The following DPP10 variants were observed in gnomAD, a reference collection of about 807,000 sequenced individuals.
The protein encoded by DPP10 is dipeptidyl peptidase like 10, also known as inactive dipeptidyl peptidase 10.
In DPP10, 33 loss-of-function variants were observed where a neutral mutation model predicts 120.9. The observed-to-expected ratio is 0.27, with a 90% CI of 0.21 to 0.37. The LOEUF (loss-of-function observed/expected upper bound fraction) is 0.37, where lower values mean the gene tolerates loss of function less well. Ranked by LOEUF, DPP10 falls within the 10% of genes least tolerant of loss-of-function variation. DPP10 has a pLI of 1.00. For missense variants in DPP10, 816 were observed against 942.8 expected (o/e 0.87, Z 1.76); for synonymous variants, 337 against 326.1 (o/e 1.03, Z -0.36).
At position 115,130,501 on chromosome 2, in the gene DPP10, TATCCATCCATCC is replaced by T. The variant is rs56314226; in HGVS notation, c.61-178707_61-178696del. Among the ~76,000 whole-genome samples the T allele has an allele frequency of 7.9e-4, 115 of 144,976 alleles. 1 individual carries two copies. Among genetic ancestry groups the T allele is most frequent in the Admixed American group, 3.8e-3 (56 of 14,636 alleles). On this transcript the variant is annotated intron_variant, in intron 1 of 25. Transcript: ENST00000410059. Reference sequence around the variant, plus strand: ...CCATCCATGCATCCATCCATCCATCTATCCATCCATCCATCCATCCATCCATCCATCCATCCA... The same window carrying T: ...CCATCCATGCATCCATCCATCCATCTATCCATCCATCCATCCATCCATCCA...
At chr2:115,456,485 A>C (rs2073554882) in intron 3 of DPP10, among the ~76,000 whole-genome samples, 1 of 152,158 alleles carries the variant, frequency 6.6e-6, no homozygotes, top group Admixed American at 6.5e-5. Flanking sequence ...ATTATAAATC[A>C]TTTTACTATA....
chr2:115,281,860 AT>A (rs2060170503), intron 1 of DPP10, among the ~76,000 whole-genome samples: 1 of 152,152 alleles, frequency 6.6e-6, no homozygotes, highest in Non-Finnish European at 1.5e-5. Context: ...TGTATTTATA[AT>A]AAAATATTTA....
intron 1 of DPP10, among the ~76,000 whole-genome samples, chr2:114,763,322 C>T (rs1020802459): frequency 3.9e-5 from 6 of 152,166 alleles, no homozygotes; most frequent in African/African-American, 7.2e-5. Context: ...ACCACTGACA[C>T]GATTTATAGT....
At chr2:114,810,598 C>T (rs1314218631) in intron 1 of DPP10, among the ~76,000 whole-genome samples, 7 of 152,204 alleles carry the variant, frequency 4.6e-5, no homozygotes, top group Admixed American at 4.6e-4. Context: ...TCAAAAGGCA[C>T]ATTTTCCAGC....
At chr2:114,778,981 C>A (rs1370077500) in intron 1 of DPP10, among the ~76,000 whole-genome samples, 1 of 151,914 alleles carries the variant, frequency 6.6e-6, no homozygotes, top group Non-Finnish European at 1.5e-5. Context: ...ATTAGTAGCA[C>A]CCTAGTTAAT....
intron 1 of DPP10, among the ~76,000 whole-genome samples, chr2:114,914,502 A>G (rs1370591086): frequency 6.6e-6 from 1 of 152,200 alleles, no homozygotes; most frequent in African/African-American, 2.4e-5. Flanking sequence ...TTGAATAAGC[A>G]CATGCTTACG....
At chr2:114,461,759 G>A (rs1678932471) in intron 1 of DPP10, 13 of 985,364 alleles carry the variant, frequency 1.3e-5, no homozygotes, top group Non-Finnish European at 1.6e-5. Flanking sequence ...GGGGCTCAGT[G>A]CTGCCATCCG....
intron 7 of DPP10, among the ~76,000 whole-genome samples, chr2:115,697,276 G>A (rs115594709): frequency 0.011 from 1,666 of 151,886 alleles, 37 homozygotes; most frequent in African/African-American, 0.039. Context: ...TCAATTAAAA[G>A]AAACTAAGAA....
chr2:115,104,790 G>A (rs1473112645), intron 1 of DPP10, among the ~76,000 whole-genome samples: 1 of 152,124 alleles, frequency 6.6e-6, no homozygotes, highest in Non-Finnish European at 1.5e-5. Context: ...GGTGGATCAC[G>A]AGGTCAAGAG....
At chr2:115,379,271 T>C (rs2066085667) in intron 3 of DPP10, among the ~76,000 whole-genome samples, 1 of 152,220 alleles carries the variant, frequency 6.6e-6, no homozygotes, top group South Asian at 2.1e-4. Flanking sequence ...TCTTCCTGGT[T>C]TAGTCTTGGG....
Position 115,512,929 on chromosome 2 carries a change from T to C in DPP10, c.367-12969T>C, listed in dbSNP as rs372131899. On this transcript the variant is annotated intron_variant, in intron 4 of 25. Transcript: ENST00000410059. ...GAATGTTGTTTGTCTTCTATTTTAT[T>C]ACTGATGTTCTGCCTACTGGTTCTA... Among the ~76,000 whole-genome samples, 14 of 152,246 alleles carry C rather than the reference T, an allele frequency of 9.2e-5. No individual in the cohort carries two copies. The South Asian group carries it at 2.9e-3, about 32-fold the overall frequency.
At chr2:115,629,622 G>A (rs1404037174) in intron 5 of DPP10, among the ~76,000 whole-genome samples, 5 of 152,150 alleles carry the variant, frequency 3.3e-5, no homozygotes, top group Admixed American at 2.0e-4. Flanking sequence ...CTTTTGAGAC[G>A]TGTCTGTTCA....
chr2:114,954,137 G>C (rs1294448260), intron 1 of DPP10, among the ~76,000 whole-genome samples: 1 of 148,962 alleles, frequency 6.7e-6, no homozygotes, highest in African/African-American at 2.5e-5. Context: ...CTGGAGGGCA[G>C]TGGTGCTATC....
In DPP10 at chr2:115,753,186, C is replaced by T. The variant is rs1223303709; in HGVS notation, c.963C>T (p.Ile321=). Residue 321 remains isoleucine, a synonymous_variant, in exon 11 of 26, where the codon ATC becomes ATT. Transcript: ENST00000410059. ...PDSFKSREYY[I]TMVKWVSNTK... ...GTTTCCAAACTAGAGAATACTATAT[C>T]ACTATGGTTAAATGGGTAAGCAATA... 6.2e-7 allele frequency: 1 copy of T among 1,610,536 alleles called. No homozygotes were observed. The highest frequency in any genetic ancestry group is 1.7e-5 in the Admixed American group (1 of 59,808).
intron 3 of DPP10, among the ~76,000 whole-genome samples, chr2:115,414,111 G>A (rs930147625): frequency 2.6e-5 from 4 of 152,102 alleles, no homozygotes; most frequent in South Asian, 2.1e-4. Flanking sequence ...TAGGGGCTAC[G>A]TGGATGGTTA....
chr2:115,230,103 A>G (rs1284777681), intron 1 of DPP10, among the ~76,000 whole-genome samples: 1 of 151,646 alleles, frequency 6.6e-6, no homozygotes, highest in East Asian at 1.9e-4. Context: ...TCTTTTATCA[A>G]TGTTTTACAG....
chr2:115,241,201 G>A (rs112185610), intron 1 of DPP10, among the ~76,000 whole-genome samples: 26 of 152,248 alleles, frequency 1.7e-4, no homozygotes, highest in African/African-American at 6.0e-4. Context: ...CCCGGGAGGC[G>A]GAGGTTCCAG....
chr2:115,230,192 A>G (rs1347559108), intron 1 of DPP10, among the ~76,000 whole-genome samples: 4 of 152,006 alleles, frequency 2.6e-5, no homozygotes, highest in Non-Finnish European at 5.9e-5. Context: ...CGGCTATTGT[A>G]AATGGGATTA....
chr2:115,673,514 A>G (rs1470746940), intron 5 of DPP10, among the ~76,000 whole-genome samples: 1 of 152,212 alleles, frequency 6.6e-6, no homozygotes, highest in Non-Finnish European at 1.5e-5. Context: ...TAATCCTAAT[A>G]ACAAGTTAGG....
Sources: allele counts gnomAD v4.1 joint callset (sites outside exome capture counted in the v4.1 genomes callset), GRCh38; gene constraint gnomAD v4.1.1; transcripts MANE v1.5; gene names NCBI Gene and HGNC (gene_info 2026-07-23, HGNC 2026-07-21).